Variants in OR4N2 observed in about 807,000 individuals in gnomAD.
The protein encoded by OR4N2 is olfactory receptor 4N2.
For missense variants in OR4N2, 307 were observed against 377.6 expected (o/e 0.81, Z 1.55); for synonymous variants, 141 against 140.4 (o/e 1.00, Z -0.03).
intron 1 of OR4N2, among the ~76,000 whole-genome samples, chr14:19,822,896 T>A (rs1421019830): frequency 6.6e-6 from 1 of 152,242 alleles, no homozygotes; most frequent in South Asian, 2.1e-4. Flanking sequence ...AATCACACAA[T>A]AAGTTAATTG....
intron 1 of OR4N2, among the ~76,000 whole-genome samples, chr14:19,806,145 A>G (rs1879159207): frequency 6.6e-6 from 1 of 152,166 alleles, no homozygotes; most frequent in East Asian, 1.9e-4. Flanking sequence ...TAGCCCATAG[A>G]CACTATGAAG....
chr14:19,822,115 G>A (rs1248516040), intron 1 of OR4N2: 2 of 152,264 alleles, frequency 1.3e-5, no homozygotes, highest in African/African-American at 4.8e-5. Context: ...GTATTAGCAG[G>A]AATAGCCACA....
intron 1 of OR4N2, among the ~76,000 whole-genome samples, chr14:19,826,674 C>T (rs949848220): frequency 5.3e-5 from 8 of 152,236 alleles, no homozygotes; most frequent in African/African-American, 1.4e-4. Context: ...GGGTGTCACA[C>T]TGGGAACAGA....
At chr14:19,812,549 G>A (rs529516290) in intron 1 of OR4N2, among the ~76,000 whole-genome samples, 65 of 152,114 alleles carry the variant, frequency 4.3e-4, no homozygotes, top group African/African-American at 1.5e-3. Context: ...CAGTAGAGAC[G>A]AGGTTTCACC....
intron 1 of OR4N2, among the ~76,000 whole-genome samples, chr14:19,810,392 A>G (rs1780886): frequency 0.083 from 12,385 of 149,808 alleles, 103 homozygotes; most frequent in East Asian, 0.18. Flanking sequence ...TGCTGGTGGG[A>G]ATGTAAATTA....
intron 1 of OR4N2, among the ~76,000 whole-genome samples, chr14:19,810,107 C>G (rs1328323972): frequency 6.6e-6 from 1 of 152,218 alleles, no homozygotes; most frequent in East Asian, 1.9e-4. Flanking sequence ...ATGCGCCCAA[C>G]AAAGGTCTAA....
In OR4N2 at chr14:19,829,251, A is replaced by T. The variant is rs2138487157; in HGVS notation, c.*879A>T. On this transcript the variant is annotated 3_prime_UTR_variant, in exon 2 of 2. Transcript: ENST00000557677. ...TTTTTTTTTCTAGAGCTTCATGATT[A>T]CTCCTAGCAAATTTTTATGACTTTT... 1 of 152,312 alleles carries T rather than the reference A, an allele frequency of 6.6e-6. No individual in the cohort carries two copies. The highest frequency in any genetic ancestry group is 2.1e-4 in the South Asian group (1 of 4,824). 9.4% of individuals were successfully genotyped at this position (152,312 alleles called of 1,614,324 possible). A position where few individuals can be genotyped will look rare whatever the true frequency, so the allele number is the denominator to read the frequency against.
intron 1 of OR4N2, among the ~76,000 whole-genome samples, chr14:19,823,791 C>A (rs1205704589): frequency 3.3e-4 from 50 of 149,374 alleles, no homozygotes; most frequent in African/African-American, 1.2e-3. Flanking sequence ...AAAGAAATCA[C>A]AACCAGAAAA....
At chr14:19,819,579 A>C (rs117128442) in intron 1 of OR4N2, among the ~76,000 whole-genome samples, 2,296 of 152,124 alleles carry the variant, frequency 0.015, 31 homozygotes, top group African/African-American at 0.047. Context: ...TCTAGTTATC[A>C]ATTCCTCTAA....
chr14:19,825,353 A>T (rs1371398110), intron 1 of OR4N2, among the ~76,000 whole-genome samples: 30 of 152,252 alleles, frequency 2.0e-4, no homozygotes, highest in East Asian at 5.8e-4. Context: ...CACTATATAG[A>T]TGTGCTGTCT....
At chr14:19,821,513 G>A (rs1879565566) in intron 1 of OR4N2, among the ~76,000 whole-genome samples, 1 of 152,142 alleles carries the variant, frequency 6.6e-6, no homozygotes, top group Non-Finnish European at 1.5e-5. Context: ...GTGGTACAAA[G>A]CAATAATCTC....
In OR4N2 at chr14:19,827,499, G is replaced by A. The variant is rs1448172121; in HGVS notation, c.51G>A (p.Leu17=). Residue 17 remains leucine (L), a synonymous_variant, in exon 2 of 2, where the codon CTG becomes CTA. Coordinates refer to ENST00000557677, the MANE Select transcript of OR4N2 (RefSeq NM_001004723.3). ...TAAGAGAATTCATCCTCCTTGGTCT[G>A]ACCCAGTCTCAAGATATTCAGCTCC... is the stretch of plus-strand genomic sequence containing the variant. ...TVIREFILLG[L]TQSQDIQLLV... 3 of 1,612,556 alleles carry A rather than the reference G, an allele frequency of 1.9e-6. No individual in the cohort carries two copies. Among genetic ancestry groups the A allele is most frequent in the Non-Finnish European group, 2.5e-6 (3 of 1,179,170 alleles).
chr14:19,823,874 T>G (rs1393598273), intron 1 of OR4N2, among the ~76,000 whole-genome samples: 2 of 151,932 alleles, frequency 1.3e-5, no homozygotes, highest in Non-Finnish European at 2.9e-5. Context: ...GGAGGTTGAG[T>G]AAGCACATAG....
intron 1 of OR4N2, among the ~76,000 whole-genome samples, chr14:19,816,397 T>C (rs906915966): frequency 6.6e-6 from 1 of 152,264 alleles, no homozygotes; most frequent in Non-Finnish European, 1.5e-5. Context: ...GTAATTCTCC[T>C]TGAAGAGGTC....
At chr14:19,810,833 A>G (rs1231142394) in intron 1 of OR4N2, among the ~76,000 whole-genome samples, 1 of 152,260 alleles carries the variant, frequency 6.6e-6, no homozygotes, top group East Asian at 1.9e-4. Context: ...AACTACCAAT[A>G]TTAAGAATAA....
At chr14:19,806,635 G>T (rs1168705717) in intron 1 of OR4N2, among the ~76,000 whole-genome samples, 1 of 151,440 alleles carries the variant, frequency 6.6e-6, no homozygotes, top group Non-Finnish European at 1.5e-5. Context: ...AGACTTCAAT[G>T]CTCCACTGAT....
At chr14:19,825,339 A>G (rs1402599379) in intron 1 of OR4N2, among the ~76,000 whole-genome samples, 1 of 152,234 alleles carries the variant, frequency 6.6e-6, no homozygotes, top group Non-Finnish European at 1.5e-5. Flanking sequence ...GTACCCTAAG[A>G]TGACACTATA....
chr14:19,816,311 T>C (rs1367950025), intron 1 of OR4N2, among the ~76,000 whole-genome samples: 4 of 152,266 alleles, frequency 2.6e-5, no homozygotes, highest in Non-Finnish European at 4.4e-5. Flanking sequence ...TTTCATGATA[T>C]TGATTCTTCC....
Position 19,807,275 on chromosome 14 carries a change from A to G in OR4N2, c.-10+3431A>G, listed in dbSNP as rs1879187746. On this transcript the variant is annotated intron_variant, in intron 1 of 1. Transcript: ENST00000557677. Reference sequence around the variant, plus strand: ...ATTGAGATGCAAAAATACGTACAAAAGGTCAGTGAAACCAATAATTGGTCC... The same window carrying G: ...ATTGAGATGCAAAAATACGTACAAAGGGTCAGTGAAACCAATAATTGGTCC... Among the ~76,000 whole-genome samples, 3 of 152,168 alleles carry G rather than the reference A, an allele frequency of 2.0e-5. No individual in the cohort carries two copies. In the South Asian group the frequency reaches 6.2e-4, roughly 31 times the overall value.
Sources: gnomAD v4.1 joint callset for allele counts (sites outside exome capture counted in the v4.1 genomes callset) on GRCh38, gnomAD v4.1.1 for gene constraint, MANE v1.5 for transcripts, NCBI Gene and HGNC (gene_info 2026-07-23, HGNC 2026-07-21) for gene names.